RAB33A: variants seen among roughly 807,000 people sequenced by gnomAD.
The protein encoded by RAB33A is ras-related protein Rab-33A.
RAB33A carries 6 observed loss-of-function variants against 12.0 expected under a neutral mutation model. The ratio of observed to expected loss-of-function variants is 0.50; its 90% CI spans 0.27 to 0.99. The LOEUF is 0.99. RAB33A is among the 50% of genes least tolerant of loss of function. The probability of loss-of-function intolerance (pLI) is 0.11; values close to 1 mark genes in which losing one functional copy is unlikely to be tolerated. For missense variants in RAB33A, 109 were observed against 192.0 expected, an observed-to-expected ratio of 0.57 and a Z score of 2.55; for synonymous variants, 70 against 82.4, an observed-to-expected ratio of 0.85 and a Z score of 0.81.
At chrX:130,157,080 T>G in the RAB33A span, among the ~76,000 whole-genome samples, 1 of 111,556 alleles carries the variant, frequency 9.0e-6, no homozygotes, top group Non-Finnish European at 1.9e-5. Flanking sequence ...GCATGAAAGG[T>G]AATGTGTCCT....
chrX:130,167,418 C>T (rs1288464304), upstream of RAB33A, among the ~76,000 whole-genome samples: 1 of 112,860 alleles, frequency 8.9e-6, no homozygotes, highest in Non-Finnish European at 1.9e-5. Flanking sequence ...AGCACATTTT[C>T]GGGGGACAAT....
the RAB33A span, chrX:130,165,940 C>G: frequency 2.6e-6 from 1 of 381,385 alleles, no homozygotes; most frequent in African/African-American, 2.5e-5. Flanking sequence ...TGGCCGCAAG[C>G]TCGCAAAGAC....
the RAB33A span, among the ~76,000 whole-genome samples, chrX:130,153,925 G>A: frequency 8.9e-6 from 1 of 111,973 alleles, no homozygotes. Flanking sequence ...TAATACAAAC[G>A]TTCAACAACT....
chrX:130,182,155 AAAAT>A (rs1461882835), intron 1 of RAB33A, among the ~76,000 whole-genome samples: 7 of 52,534 alleles, frequency 1.3e-4, no homozygotes, highest in Non-Finnish European at 2.0e-4. Flanking sequence ...AAAAAAAAAA[AAAAT>A]ATATATATAT....
At chrX:130,162,130 G>A in the RAB33A span, among the ~76,000 whole-genome samples, 1 of 112,098 alleles carries the variant, frequency 8.9e-6, no homozygotes, top group African/African-American at 3.2e-5. Context: ...GGTACAAGAT[G>A]CTAAGGACAC....
At chrX:130,137,045 T>C in the RAB33A span, 19 of 1,208,963 alleles carry the variant, frequency 1.6e-5, no homozygotes, top group East Asian at 2.1e-4. Flanking sequence ...TCAAAGGAAA[T>C]AGAGTGGCAG....
chrX:130,164,034 G>C, the RAB33A span, among the ~76,000 whole-genome samples: 4 of 108,724 alleles, frequency 3.7e-5, no homozygotes, highest in South Asian at 4.0e-4. Context: ...CGGGCGTGGT[G>C]GCGGGTGCCT....
At chrX:130,114,609 C>T in the RAB33A span, among the ~76,000 whole-genome samples, 5 of 111,846 alleles carry the variant, frequency 4.5e-5, no homozygotes, top group African/African-American at 1.6e-4. Flanking sequence ...CGGAGCACTC[C>T]GAGCCTTTCT....
the RAB33A span, chrX:130,147,526 A>C: frequency 8.3e-7 from 1 of 1,211,996 alleles, no homozygotes; most frequent in Non-Finnish European, 1.1e-6. Context: ...TTTGAATCGC[A>C]GTGTCTTTGT....
At chrX:130,140,755 G>T in the RAB33A span, 1 of 522,989 alleles carries the variant, frequency 1.9e-6, no homozygotes, top group Non-Finnish European at 3.3e-6. Context: ...ACAAGGTTGT[G>T]CCACCATCAC....
the RAB33A span, among the ~76,000 whole-genome samples, chrX:130,127,517 T>C: frequency 1.4e-4 from 16 of 110,608 alleles, no homozygotes; most frequent in Admixed American, 1.6e-3. Flanking sequence ...CAAGGATAAC[T>C]ACTGTCAAAG....
the RAB33A span, among the ~76,000 whole-genome samples, chrX:130,119,040 C>G: frequency 9.0e-6 from 1 of 111,455 alleles, no homozygotes; most frequent in East Asian, 2.8e-4. Context: ...AAGGGCTGAC[C>G]GAGGGGAGCT....
the RAB33A span, among the ~76,000 whole-genome samples, chrX:130,152,111 G>GAGAAA: frequency 3.0e-5 from 3 of 98,468 alleles, no homozygotes; most frequent in African/African-American, 7.5e-5. Context: ...GAGAAGAGAA[G>GAGAAA]AGAAAAGAAA....
the RAB33A span, chrX:130,137,471 T>C: frequency 8.6e-7 from 1 of 1,167,684 alleles, no homozygotes; most frequent in Non-Finnish European, 1.1e-6. Context: ...CATAAGTGCT[T>C]TGCAACCTCT....
At chrX:130,170,968 T>A (rs2031598545), upstream of RAB33A, among the ~76,000 whole-genome samples, 1 of 112,756 alleles carries the variant, frequency 8.9e-6, no homozygotes, top group Non-Finnish European at 1.9e-5. Context: ...TGTGTGGCCC[T>A]CTCCCGCGGC....
In RAB33A at chrX:130,182,139, C is replaced by CAAAAAAA. The variant is rs1188540923; in HGVS notation, c.259-2133_259-2127dup. Among the ~76,000 whole-genome samples, 149 of 30,489 alleles carry CAAAAAAA rather than the reference C, an allele frequency of 4.9e-3. 18 individuals are homozygous for CAAAAAAA. The highest frequency in any genetic ancestry group is 0.018 in the African/African-American group (128 of 6,945). 26.5% of individuals were successfully genotyped at this position (30,489 alleles called of 115,157 possible). On this transcript the variant is annotated intron_variant, in intron 1 of 1. Coordinates refer to ENST00000257017, the MANE Select transcript of RAB33A (RefSeq NM_004794.3). ...GCAACATAACAAGATTCTGTCTCTA[C>CAAAAAAA]AAAAAAAAAAAAAAAAAAATATATA...
the RAB33A span, among the ~76,000 whole-genome samples, chrX:130,124,051 A>G: frequency 8.9e-6 from 1 of 112,217 alleles, no homozygotes; most frequent in African/African-American, 3.2e-5. Flanking sequence ...CCTAGGCAAC[A>G]AAGTGAGACC....
At chrX:130,136,210 G>C in the RAB33A span, 1 of 1,209,421 alleles carries the variant, frequency 8.3e-7, no homozygotes, top group Non-Finnish European at 1.1e-6. Context: ...AAATAATTCA[G>C]TCAATTACCA....
chrX:130,150,581 C>T, the RAB33A span, among the ~76,000 whole-genome samples: 1 of 105,408 alleles, frequency 9.5e-6, no homozygotes, highest in African/African-American at 3.4e-5. Context: ...GTGATCTGCC[C>T]GCCTCGGCCT....
Sources: allele counts gnomAD v4.1 joint callset (sites outside exome capture counted in the v4.1 genomes callset), GRCh38; gene constraint gnomAD v4.1.1; transcripts MANE v1.5; gene names NCBI Gene and HGNC (gene_info 2026-07-23, HGNC 2026-07-21).